CCDC174: variants seen among roughly 807,000 people sequenced by gnomAD.
CCDC174 encodes the protein coiled-coil domain-containing protein 174.
Under a neutral mutation model 57.1 loss-of-function variants are expected in CCDC174, and 37 were observed. That is an observed-to-expected ratio of 0.65 (90% CI 0.50 to 0.85). The LOEUF (loss-of-function observed/expected upper bound fraction) is 0.85, where lower values mean the gene tolerates loss of function less well. CCDC174 is among the 40% of genes least tolerant of loss of function. The pLI is 0.00. For missense variants in CCDC174, 540 were observed against 574.3 expected, an observed-to-expected ratio of 0.94 and a Z score of 0.61; for synonymous variants, 182 against 190.2, an observed-to-expected ratio of 0.96 and a Z score of 0.35.
At chr3:14,669,803 C>T in intron 9 of CCDC174, 131 bp from the exon 10 acceptor site, 1 of 801,016 alleles carries the variant, frequency 1.2e-6, no homozygotes, top group South Asian at 1.8e-5. Flanking sequence ...ACTTAATCCA[C>T]TGCCTGGGAC....
chr3:14,667,467 C>G lies in CCDC174; in HGVS notation c.768C>G (p.Asp256Glu). Residue 256 changes from aspartate to glutamate, a missense_variant, in exon 8 of 11, where the codon GAC becomes GAG. Asp to Glu is a conservative substitution (Grantham distance 45). Coordinates refer to ENST00000383794, the MANE Select transcript of CCDC174 (RefSeq NM_016474.5). ...TTGGGTATTTTGCCTTTGCCCGAGA[C>G]AAAGAGTTGAGAAACAAGCAGATGA... is the stretch of plus-strand genomic sequence containing the variant. ...LGVGYFAFAR[D>E]KELRNKQMKT... 1.2e-6 allele frequency: 2 copies of G among 1,613,706 alleles called. No individual in the cohort carries two copies. Among genetic ancestry groups the G allele is most frequent in the South Asian group, 1.1e-5 (1 of 91,056 alleles).
chr3:14,657,774 G>GC (rs1206547383), intron 3 of CCDC174, among the ~76,000 whole-genome samples: 1 of 152,034 alleles, frequency 6.6e-6, no homozygotes, highest in African/African-American at 2.4e-5. Context: ...TGCCTTCCCT[G>GC]CCCCCAGATC....
chr3:14,658,783 G>C, intron 3 of CCDC174, 88 bp from the exon 4 acceptor site: 2 of 1,393,770 alleles, frequency 1.4e-6, no homozygotes, highest in Non-Finnish European at 2.0e-6. Context: ...CTCATGGGCA[G>C]ATGGTACCTG....
intron 3 of CCDC174, among the ~76,000 whole-genome samples, chr3:14,657,404 G>A (rs1455232159): frequency 6.6e-6 from 1 of 152,236 alleles, no homozygotes; most frequent in Non-Finnish European, 1.5e-5. Context: ...GAGATAAATA[G>A]TGTCTGGCAC....
chr3:14,667,929 T>G lies in CCDC174; in HGVS notation c.820-120T>G, dbSNP rs11707480. Reference sequence around the variant, plus strand: ...TCATTGTGAGGATCTCAAGGACAGCTTCTTAGAGGTGGCCTGAAGATCAAT... The same window carrying G: ...TCATTGTGAGGATCTCAAGGACAGCGTCTTAGAGGTGGCCTGAAGATCAAT... On this transcript the variant is annotated intron_variant, in intron 8 of 10. Coordinates refer to ENST00000383794, the MANE Select transcript of CCDC174 (RefSeq NM_016474.5). 6.8e-3 allele frequency: 6,259 copies of G among 918,130 alleles called. 41 individuals carry two copies. Among genetic ancestry groups the G allele is most frequent in the Non-Finnish European group, 7.7e-3 (4,680 of 604,716 alleles). 56.9% of individuals were successfully genotyped at this position (918,130 alleles called of 1,614,324 possible).
At chr3:14,668,488 T>C (rs115863094) in intron 9 of CCDC174, among the ~76,000 whole-genome samples, 1 of 152,164 alleles carries the variant, frequency 6.6e-6, no homozygotes, top group East Asian at 1.9e-4. Flanking sequence ...TGCATATATA[T>C]GTTTTAGACT....
intron 9 of CCDC174, among the ~76,000 whole-genome samples, chr3:14,669,354 T>C (rs2031445671): frequency 6.6e-6 from 1 of 152,270 alleles, no homozygotes; most frequent in Non-Finnish European, 1.5e-5. Context: ...CATGTTAAGC[T>C]GTGCAGATTG....
intron 4 of CCDC174, 129 bp from the exon 5 acceptor site, chr3:14,661,401 G>A: frequency 1.4e-6 from 1 of 695,156 alleles, no homozygotes; most frequent in Non-Finnish European, 2.5e-6. Flanking sequence ...AAACATTTGG[G>A]GAGTGGAGGC....
Position 14,671,001 on chromosome 3 carries a change from G to T in CCDC174, c.1211G>T (p.Gly404Val). 6.2e-7 allele frequency: 1 copy of T among 1,614,184 alleles called. No individual in the cohort carries two copies. Among genetic ancestry groups the T allele is most frequent in the Non-Finnish European group, 8.5e-7 (1 of 1,180,020 alleles). Residue 404 changes from glycine to valine, a missense_variant, in exon 11 of 11, where the codon GGT becomes GTT. Transcript: ENST00000383794. ...TACTTTGTGGGTCAGAAGAGAACTG[G>T]TTTTTCCAGCAGCCAGGCATGGAGC... ...SDYFVGQKRTGFSSSQAWSRP... is the reference protein window; with the variant it reads ...SDYFVGQKRTVFSSSQAWSRP...
chr3:14,664,955 T>C, intron 5 of CCDC174, 73 bp from the exon 6 acceptor site: 1 of 1,069,110 alleles, frequency 9.4e-7, no homozygotes, highest in South Asian at 1.3e-5. Context: ...CCTTCACTGT[T>C]CACCTACTCC....
At chr3:14,667,191 G>C in intron 7 of CCDC174, 2 of 615,888 alleles carry the variant, frequency 3.2e-6, no homozygotes, top group Non-Finnish European at 5.7e-6. Flanking sequence ...GACAGCCCAT[G>C]GCTGAAAGCA....
At chr3:14,669,463 T>C (rs1313723795) in intron 9 of CCDC174, among the ~76,000 whole-genome samples, 1 of 152,172 alleles carries the variant, frequency 6.6e-6, no homozygotes, top group Non-Finnish European at 1.5e-5. Flanking sequence ...CTTTTACATT[T>C]TAAAAATGTG....
At chr3:14,667,975 G>T (rs2031394408) in intron 8 of CCDC174, 74 bp from the exon 9 acceptor site, 1 of 1,465,870 alleles carries the variant, frequency 6.8e-7, no homozygotes, top group African/African-American at 1.4e-5. Context: ...ATTTTTAGAA[G>T]AAAATTTCAT....
In CCDC174 at chr3:14,654,524, TA is replaced by T; in HGVS notation, c.143del (p.Asn48ThrfsTer12). 1 of 1,454,302 alleles carries T rather than the reference TA, an allele frequency of 6.9e-7. No homozygotes were observed. Among genetic ancestry groups the T allele is most frequent in the Non-Finnish European group, 9.6e-7 (1 of 1,044,282 alleles). 90.1% of individuals were successfully genotyped at this position (1,454,302 alleles called of 1,614,324 possible). A position where few individuals can be genotyped will look rare whatever the true frequency, so the allele number is the denominator to read the frequency against. On this transcript the variant is annotated frameshift_variant, in exon 2 of 11. Coordinates refer to ENST00000383794, the MANE Select transcript of CCDC174 (RefSeq NM_016474.5). LOFTEE classifies it high-confidence loss of function. ...SGVFGKPKTT[N>X]KKPSIWSKQN... The stretch of plus-strand genomic sequence containing the variant: ...GAGTTTTTGGAAAACCAAAAACAAC[TA>T]ACAAGGTAAAAAATAAGATCTAATT...
Position 14,667,534 on chromosome 3 carries a change from A to C in CCDC174, c.819+16A>C. ...GCGTGAACAGGTACAGATAAATCCC[A>C]AGTGACTGTGAGGAAAGATGTGAGC... is the stretch of plus-strand genomic sequence containing the variant. On this transcript the variant is annotated intron_variant, in intron 8 of 10. Transcript: ENST00000383794. 1.3e-6 allele frequency: 2 copies of C among 1,592,396 alleles called. No individual in the cohort carries two copies. The highest frequency in any genetic ancestry group is 1.7e-6 in the Non-Finnish European group (2 of 1,160,450).
intron 1 of CCDC174, among the ~76,000 whole-genome samples, chr3:14,653,082 C>G (rs2030833082): frequency 6.6e-6 from 1 of 152,020 alleles, no homozygotes; most frequent in Admixed American, 6.6e-5. Context: ...TATAGGTGTC[C>G]CAATATTTGA....
chr3:14,651,949 C>T (rs772057654), intron 1 of CCDC174, 71 bp downstream of exon 1: 43 of 1,494,512 alleles, frequency 2.9e-5, no homozygotes, highest in African/African-American at 5.5e-5. Flanking sequence ...GAATGTCGAC[C>T]TAGCTTGTTT....
At chr3:14,668,209 C>T (rs780907416) in intron 9 of CCDC174, 28 bp downstream of exon 9, 2 of 1,563,528 alleles carry the variant, frequency 1.3e-6, no homozygotes, top group Admixed American at 2.1e-5. Flanking sequence ...TGCTGAACTT[C>T]AAAAGGGAAA....
chr3:14,667,144 C>A, intron 7 of CCDC174, 197 bp downstream of exon 7: 1 of 626,656 alleles, frequency 1.6e-6, no homozygotes, highest in Non-Finnish European at 2.7e-6. Flanking sequence ...GACAGAGGGT[C>A]TGGTAATCCA....
Sources: gnomAD v4.1 joint callset for allele counts (sites outside exome capture counted in the v4.1 genomes callset) on GRCh38, gnomAD v4.1.1 for gene constraint, MANE v1.5 for transcripts, NCBI Gene and HGNC (gene_info 2026-07-23, HGNC 2026-07-21) for gene names.